ARHGEF12: variants seen among roughly 807,000 people sequenced by gnomAD.
ARHGEF12 encodes Rho guanine nucleotide exchange factor 12, also known as KMT2A/ARHGEF12 fusion protein.
A neutral mutation model predicts 211.2 loss-of-function variants in ARHGEF12; 66 were observed. The ratio of observed to expected loss-of-function variants is 0.31; its 90% CI spans 0.26 to 0.38. ARHGEF12 has a LOEUF of 0.38. ARHGEF12 is among the 10% of genes least tolerant of loss of function. The pLI is 1.00. For synonymous variants in ARHGEF12, 592 were observed against 638.4 expected (o/e 0.93, Z 1.09); for missense variants, 1,429 against 1,869.5 (o/e 0.76, Z 4.34).
chr11:120,378,925 T>A (rs1482376971), intron 1 of ARHGEF12, among the ~76,000 whole-genome samples: 3 of 152,200 alleles, frequency 2.0e-5, no homozygotes, highest in Non-Finnish European at 4.4e-5. Context: ...CTAAAAATTG[T>A]TTTGGCTCTT....
At chr11:120,437,406 A>G (rs776041242) in intron 12 of ARHGEF12, 24 bp downstream of exon 12, 10 of 1,583,968 alleles carry the variant, frequency 6.3e-6, no homozygotes, top group South Asian at 3.4e-5. Flanking sequence ...CCATGCAATG[A>G]TAGTGCTGTC....
intron 4 of ARHGEF12, among the ~76,000 whole-genome samples, chr11:120,414,409 T>C (rs1944969404): frequency 7.2e-6 from 1 of 138,446 alleles, no homozygotes; most frequent in African/African-American, 2.9e-5. Flanking sequence ...TTTTTTCTAA[T>C]TAGAAAATGT....
At position 120,442,097 on chromosome 11, in the gene ARHGEF12, A is replaced by G. The variant is rs757563450; in HGVS notation, c.1204-7A>G. On this transcript the variant is annotated splice_polypyrimidine_tract_variant and splice_region_variant and intron_variant, in intron 14 of 40. Coordinates refer to ENST00000397843, the MANE Select transcript of ARHGEF12 (RefSeq NM_015313.3). Reference sequence around the variant, plus strand: ...TTTTGTCTTTTTCATTCCTTTCTCCACTACAGCTCTGTTATCTCTATTCAG... The same window carrying G: ...TTTTGTCTTTTTCATTCCTTTCTCCGCTACAGCTCTGTTATCTCTATTCAG... 1 of 1,570,334 alleles carries G rather than the reference A, an allele frequency of 6.4e-7. No homozygotes were observed.
intron 26 of ARHGEF12, among the ~76,000 whole-genome samples, chr11:120,459,551 A>C (rs2135896080): frequency 6.6e-6 from 1 of 152,300 alleles, no homozygotes; most frequent in South Asian, 2.1e-4. Context: ...GCCTAAGGTG[A>C]AAAACATGAA....
intron 40 of ARHGEF12, among the ~76,000 whole-genome samples, 183 bp downstream of exon 40, chr11:120,484,690 A>G (rs143857469): frequency 9.8e-4 from 149 of 152,352 alleles, no homozygotes; most frequent in African/African-American, 3.4e-3. Flanking sequence ...ACTCTTCTCT[A>G]AGAGGAACTG....
intron 13 of ARHGEF12, among the ~76,000 whole-genome samples, chr11:120,441,337 A>G (rs1333573622): frequency 6.6e-6 from 1 of 152,192 alleles, no homozygotes; most frequent in African/African-American, 2.4e-5. Flanking sequence ...CATTTCTGCA[A>G]TTAGCCCAGA....
In ARHGEF12 at chr11:120,486,551, C is replaced by T. The variant is rs573392720; in HGVS notation, c.*1474C>T. ...TTGACTTTCTTTGGTTTTCCTTGTG[C>T]ATTAGGTATATATTTTTTGAAGTAT... is the stretch of plus-strand genomic sequence containing the variant. On this transcript the variant is annotated 3_prime_UTR_variant, in exon 41 of 41. Transcript: ENST00000397843. The T allele has an allele frequency of 3.2e-4, 72 of 227,316 alleles. No homozygotes were observed. In the South Asian group the frequency reaches 0.013, roughly 41 times the overall value. The allele number at this position is 227,316 out of a possible 1,614,324, so 14.1% of individuals were successfully genotyped here.
rs941555080 is a variant in ARHGEF12, at chr11:120,474,826, A to C, written c.3109+191A>C. Among the ~76,000 whole-genome samples the C allele has an allele frequency of 3.3e-5, 5 of 152,376 alleles. No individual in the cohort carries two copies. The East Asian group carries it at 9.6e-4, about 29-fold the overall frequency. On this transcript the variant is annotated intron_variant, in intron 32 of 40. Transcript: ENST00000397843. ...TGTAAGATGTGTTAAATATTCATTT[A>C]GGAATGTAGTGGAGAACTGATTTAG...
At chr11:120,442,071 A>G (rs761285822) in intron 14 of ARHGEF12, 33 bp from the exon 15 acceptor site, 1 of 1,476,192 alleles carries the variant, frequency 6.8e-7, no homozygotes, top group South Asian at 1.2e-5. Context: ...ATGGTTCCTC[A>G]TTTTGTCTTT....
At chr11:120,392,728 G>A (rs1040141298) in intron 1 of ARHGEF12, among the ~76,000 whole-genome samples, 5 of 152,152 alleles carry the variant, frequency 3.3e-5, no homozygotes, top group Admixed American at 6.5e-5. Context: ...AGATGAATGC[G>A]AAGTAGCTGT....
chr11:120,346,957 TA>T (rs765329436), intron 1 of ARHGEF12, among the ~76,000 whole-genome samples: 2 of 152,174 alleles, frequency 1.3e-5, no homozygotes, highest in Non-Finnish European at 2.9e-5. Flanking sequence ...TACTGTCTGA[TA>T]GGGTGAGGTA....
chr11:120,394,624 C>T (rs1032628925), intron 1 of ARHGEF12, among the ~76,000 whole-genome samples: 1 of 151,764 alleles, frequency 6.6e-6, no homozygotes, highest in Non-Finnish European at 1.5e-5. Flanking sequence ...AACATTAACC[C>T]CAAATCTGGT....
intron 19 of ARHGEF12, 40 bp from the exon 20 acceptor site, chr11:120,448,194 T>C: frequency 1.4e-6 from 2 of 1,439,782 alleles, no homozygotes; most frequent in Non-Finnish European, 1.9e-6. Context: ...CAACCCTCCC[T>C]TCTCAGAAGT....
intron 20 of ARHGEF12, 157 bp downstream of exon 20, chr11:120,448,505 A>T: frequency 1.6e-6 from 1 of 612,212 alleles, no homozygotes; most frequent in Non-Finnish European, 2.8e-6. Context: ...AGAAACTCAA[A>T]ATACAGTGAG....
intron 1 of ARHGEF12, among the ~76,000 whole-genome samples, chr11:120,369,267 T>G (rs1943521736): frequency 6.6e-6 from 1 of 151,926 alleles, no homozygotes; most frequent in South Asian, 2.1e-4. Context: ...TAGCTGGGAC[T>G]ACAGGCGCAC....
At chr11:120,358,603 T>C (rs1396307003) in intron 1 of ARHGEF12, among the ~76,000 whole-genome samples, 1 of 152,174 alleles carries the variant, frequency 6.6e-6, no homozygotes, top group Non-Finnish European at 1.5e-5. Flanking sequence ...ACAAGACAAA[T>C]GTGGCTATTT....
chr11:120,366,301 T>C lies in ARHGEF12; in HGVS notation c.32+29026T>C, dbSNP rs75909136. 8.5e-3 allele frequency among the ~76,000 whole-genome samples: 1,301 copies of C among 152,246 alleles called. 6 individuals are homozygous for C. The highest frequency in any genetic ancestry group is 0.014 in the Non-Finnish European group (933 of 68,018). On this transcript the variant is annotated intron_variant, in intron 1 of 40. Coordinates refer to ENST00000397843, the MANE Select transcript of ARHGEF12 (RefSeq NM_015313.3). The stretch of plus-strand genomic sequence containing the variant: ...CCCAAATTTGATTTAAATTTAGATG[T>C]ACTATCTGCTTTGGGAGAGTTACTT...
chr11:120,424,525 T>TA lies in ARHGEF12; in HGVS notation c.406+111dup, dbSNP rs1447247002. ...GTAAATATTTAGGCTATGTGGACTA[T>TA]ATAGTCTACTGCCGACTCTGTCATT... On this transcript the variant is annotated intron_variant, in intron 7 of 40. Coordinates refer to ENST00000397843, the MANE Select transcript of ARHGEF12 (RefSeq NM_015313.3). 3 of 774,304 alleles carry TA rather than the reference T, an allele frequency of 3.9e-6. No homozygotes were observed. The East Asian group carries it at 7.9e-5, about 20-fold the overall frequency. 48.0% of individuals were successfully genotyped at this position (774,304 alleles called of 1,614,324 possible).
chr11:120,445,033 T>G (rs994543446), intron 15 of ARHGEF12, among the ~76,000 whole-genome samples: 2 of 152,156 alleles, frequency 1.3e-5, no homozygotes, highest in Non-Finnish European at 2.9e-5. Context: ...TATATGTGAG[T>G]ACATTTTTCA....
Sources: allele counts gnomAD v4.1 joint callset (sites outside exome capture counted in the v4.1 genomes callset), GRCh38; gene constraint gnomAD v4.1.1; transcripts MANE v1.5; gene names NCBI Gene and HGNC (gene_info 2026-07-23, HGNC 2026-07-21).